Variants in RYR1 observed in about 807,000 individuals in gnomAD.
RYR1 encodes ryanodine receptor 1.
A neutral mutation model predicts 583.5 loss-of-function variants in RYR1; 342 were observed. The ratio of observed to expected loss-of-function variants is 0.59; its 90% CI spans 0.54 to 0.64. RYR1 has a LOEUF of 0.64. RYR1 is among the 30% of genes least tolerant of loss of function. The pLI is 0.00. For missense variants in RYR1, 6,032 were observed against 6,917.2 expected (o/e 0.87, Z 4.54); for synonymous variants, 2,791 against 2,822.5 (o/e 0.99, Z 0.35).
chr19:38,567,117 A>C, intron 92 of RYR1, 130 bp downstream of exon 92: 1 of 1,426,430 alleles, frequency 7.0e-7, no homozygotes, highest in Non-Finnish European at 9.5e-7. Flanking sequence ...GCCCAGACTC[A>C]GGCACGGAGG....
chr19:38,477,835 G>A lies in RYR1; in HGVS notation c.4419G>A (p.Val1473=), dbSNP rs2145503022. The part of the protein sequence containing the change: ...FDLSKVRVVT[V]TMGDEQGNVH... ...TCAGCAAGGTCCGGGTCGTGACGGT[G>A]ACCATGGGGGATGAACAAGGCAACG... Residue 1473 remains valine (V), a synonymous_variant, in exon 30 of 106, where the codon GTG becomes GTA. Transcript: ENST00000359596. 6.4e-7 allele frequency: 1 copy of A among 1,569,020 alleles called. No homozygotes were observed. The highest frequency in any genetic ancestry group is 8.7e-7 in the Non-Finnish European group (1 of 1,153,972).
At chr19:38,463,589 G>A (rs1386923873) in intron 21 of RYR1, 62 bp downstream of exon 21, 89 of 1,549,062 alleles carry the variant, frequency 5.7e-5, no homozygotes, top group South Asian at 5.4e-4. Flanking sequence ...GAGGGAGAGC[G>A]GCTCACCGGC....
In RYR1 at chr19:38,444,720, A is replaced by C; in HGVS notation, c.631+43A>C. 1.4e-6 allele frequency: 2 copies of C among 1,447,542 alleles called. No individual in the cohort carries two copies. The highest frequency in any genetic ancestry group is 1.9e-6 in the Non-Finnish European group (2 of 1,038,912). 89.7% of individuals were successfully genotyped at this position (1,447,542 alleles called of 1,614,324 possible). The stretch of plus-strand genomic sequence containing the variant: ...CCCCCTAAATGGAGATCCCCCCAAA[A>C]CAGACCCTTAATGTTGCCCTTCAGG... On this transcript the variant is annotated intron_variant, in intron 7 of 105. Transcript: ENST00000359596. The surrounding 1 kb of genome is among the most constrained non-coding windows in gnomAD (Gnocchi z 5.1).
intron 22 of RYR1, among the ~76,000 whole-genome samples, chr19:38,464,256 G>A (rs1163145318): frequency 4.4e-4 from 52 of 119,262 alleles, no homozygotes; most frequent in African/African-American, 1.3e-3. Flanking sequence ...CAGCCTGGGC[G>A]ACAGAGCGAG....
Position 38,565,135 on chromosome 19 carries a change from GGCGGAGGCGGGCGCGGAAGGC to G in RYR1, c.12809_12829del (p.Ala4270_Glu4276del), listed in dbSNP as rs1387871939. 7 of 1,525,926 alleles carry G rather than the reference GGCGGAGGCGGGCGCGGAAGGC, an allele frequency of 4.6e-6. No individual in the cohort carries two copies. Among genetic ancestry groups the G allele is most frequent in the Admixed American group, 4.0e-5 (2 of 50,486 alleles). 94.5% of individuals were successfully genotyped at this position (1,525,926 alleles called of 1,614,324 possible). Reference sequence around the variant, plus strand: ...CCGACGAGGACGAGGGCGCGGGCGCGGCGGAGGCGGGCGCGGAAGGCGCGGAGGAGGGCGCGGCGGGGCTCG... The same window carrying G: ...CCGACGAGGACGAGGGCGCGGGCGCGGCGGAGGAGGGCGCGGCGGGGCTCG... On this transcript the variant is annotated inframe_deletion, in exon 91 of 106. Coordinates refer to ENST00000359596, the MANE Select transcript of RYR1 (RefSeq NM_000540.3). This position sits in a 1 kb window ranked among gnomAD's most constrained non-coding sequence, Gnocchi z 4.7.
intron 81 of RYR1, 181 bp downstream of exon 81, chr19:38,535,573 T>C (rs989353924): frequency 4.5e-6 from 3 of 667,040 alleles, no homozygotes; most frequent in African/African-American, 3.6e-5. Flanking sequence ...GGAGGCAAAA[T>C]GTCATAGACT....
intron 89 of RYR1, among the ~76,000 whole-genome samples, chr19:38,552,394 CA>C (rs1972702476): frequency 6.6e-6 from 1 of 152,080 alleles, no homozygotes; most frequent in Admixed American, 6.6e-5. Flanking sequence ...AGCTGGACTA[CA>C]GGCATGCGCC....
At chr19:38,495,786 TGAGATG>T (rs1221154330) in intron 39 of RYR1, among the ~76,000 whole-genome samples, 1 of 152,090 alleles carries the variant, frequency 6.6e-6, no homozygotes, top group Non-Finnish European at 1.5e-5. Flanking sequence ...TTTTATTTTT[TGAGATG>T]GAGTCTTGCT....
intron 42 of RYR1, among the ~76,000 whole-genome samples, chr19:38,498,228 C>A (rs1388518025): frequency 1.3e-5 from 2 of 152,130 alleles, no homozygotes; most frequent in East Asian, 3.9e-4. Flanking sequence ...TCGGTCACAA[C>A]AAGGGCTCTG....
Position 38,502,981 on chromosome 19 carries a change from G to C in RYR1, c.7926+11G>C, listed in dbSNP as rs112124868. The C allele has an allele frequency of 1.3e-5, 21 of 1,606,228 alleles. No homozygotes were observed. Among genetic ancestry groups the C allele is most frequent in the Non-Finnish European group, 1.8e-5 (21 of 1,179,802 alleles). On this transcript the variant is annotated intron_variant, in intron 49 of 105. Transcript: ENST00000359596. Reference sequence around the variant, plus strand: ...AAGATGCCACTCAAGGTGAGGGCAAGCGCTCTTTAGCATCTCATTTCCAGG... The same window carrying C: ...AAGATGCCACTCAAGGTGAGGGCAACCGCTCTTTAGCATCTCATTTCCAGG...
In RYR1 at chr19:38,565,042, C is replaced by T. The variant is rs750829662; in HGVS notation, c.12708C>T (p.Phe4236=). ...AGAAGATGGAGCTCTTCGTGAGTTT[C>T]TGCGAGGACACCATCTTCGAGATGC... ...EAEKMELFVS[F]CEDTIFEMQI... is the part of the protein sequence containing the mutation. The change falls in exon 91 of 106, where the codon TTC becomes TTT. Residue 4236 remains phenylalanine, a synonymous_variant. Transcript: ENST00000359596. The surrounding 1 kb of genome is among the most constrained non-coding windows in gnomAD (Gnocchi z 4.7). 2 of 1,579,312 alleles carry T rather than the reference C, an allele frequency of 1.3e-6. No homozygotes were observed. The highest frequency in any genetic ancestry group is 1.7e-6 in the Non-Finnish European group (2 of 1,163,338).
chr19:38,463,547 C>T lies in RYR1; in HGVS notation c.2682+20C>T, dbSNP rs769711356. 2 of 1,607,258 alleles carry T rather than the reference C, an allele frequency of 1.2e-6. No homozygotes were observed. Among genetic ancestry groups the T allele is most frequent in the South Asian group, 2.2e-5 (2 of 90,942 alleles). On this transcript the variant is annotated intron_variant, in intron 21 of 105. Transcript: ENST00000359596. ...GGCCCGGTGAGGGGCTGCCTGCAGC[C>T]TGCGGGAGGCCGGCTAGACTTGCGG...
At position 38,584,990 on chromosome 19, in the gene RYR1, T is replaced by C; in HGVS notation, c.14694T>C (p.Ile4898=). 1 of 1,613,972 alleles carries C rather than the reference T, an allele frequency of 6.2e-7. No individual in the cohort carries two copies. Among genetic ancestry groups the C allele is most frequent in the Non-Finnish European group, 8.5e-7 (1 of 1,179,982 alleles). ...MYVGVRAGGG[I]GDEIEDPAGD... The stretch of plus-strand genomic sequence containing the variant: ...TGGGTGTCCGGGCTGGCGGAGGCAT[T>C]GGGGACGAGATCGAGGACCCCGCGG... Residue 4898 remains isoleucine, a synonymous_variant, in exon 102 of 106, where the codon ATT becomes ATC. Transcript: ENST00000359596.
intron 72 of RYR1, 153 bp from the exon 73 acceptor site, chr19:38,527,494 G>A: frequency 1.0e-6 from 1 of 987,704 alleles, no homozygotes; most frequent in Non-Finnish European, 1.5e-6. Context: ...TGGGTGATGG[G>A]GCGAGGCTCC....
At chr19:38,470,798 G>A (rs558553640) in intron 27 of RYR1, among the ~76,000 whole-genome samples, 10 of 152,328 alleles carry the variant, frequency 6.6e-5, no homozygotes, top group Admixed American at 2.6e-4. Flanking sequence ...TTAAGTATGG[G>A]AACGTCCAGT....
chr19:38,496,997 C>G lies in RYR1; in HGVS notation c.6891+43C>G, dbSNP rs755648108. 2.6e-6 allele frequency: 4 copies of G among 1,546,594 alleles called. No individual in the cohort carries two copies. Among genetic ancestry groups the G allele is most frequent in the Non-Finnish European group, 3.6e-6 (4 of 1,120,374 alleles). ...GGGCCCCAGGCCTAAGGGAGGAAAT[C>G]GGGCCGCTACCCGGCTGCTTGGGAC... On this transcript the variant is annotated intron_variant, in intron 42 of 105. Coordinates refer to ENST00000359596, the MANE Select transcript of RYR1 (RefSeq NM_000540.3). The surrounding 1 kb of genome is among the most constrained non-coding windows in gnomAD (Gnocchi z 4.8).
intron 20 of RYR1, among the ~76,000 whole-genome samples, chr19:38,461,437 CA>C (rs1256064217): frequency 1.3e-5 from 2 of 151,914 alleles, no homozygotes; most frequent in Non-Finnish European, 2.9e-5. Flanking sequence ...AGGGAGTCCT[CA>C]CCACTGCCCC....
Position 38,459,313 on chromosome 19 carries a change from G to C in RYR1, c.2335G>C (p.Val779Leu). The C allele has an allele frequency of 6.2e-7, 1 of 1,614,042 alleles. No homozygotes were observed. Among genetic ancestry groups the C allele is most frequent in the Non-Finnish European group, 8.5e-7 (1 of 1,180,010 alleles). ...CAACCTGGACGGGCTCTTCTTCCCT[G>C]TTGTCAGCTTCTCGGCTGGTGTCAA... ...SFNLDGLFFP[V>L]VSFSAGVKVR... Residue 779 changes from valine to leucine, a missense_variant, in exon 19 of 106, where the codon GTT becomes CTT. Physicochemically the swap from Val to Leu is conservative, Grantham distance 32 (BLOSUM62 1). Around this residue, in one of 11 missense-constraint regions of RYR1, gnomAD observed 2,627 missense variants for 2,961.3 expected, o/e 0.89. Transcript: ENST00000359596.
chr19:38,500,549 C>G lies in RYR1; in HGVS notation c.7324-57C>G. On this transcript the variant is annotated intron_variant, in intron 45 of 105. Transcript: ENST00000359596. This position sits in a 1 kb window ranked among gnomAD's most constrained non-coding sequence, Gnocchi z 5.9. ...GTGGTAAGGGAGGGAGCAGAGCAGT[C>G]ACTGAGTGGGGCACCAGCGCCTGAT... 2 of 1,610,168 alleles carry G rather than the reference C, an allele frequency of 1.2e-6. No individual in the cohort carries two copies. The highest frequency in any genetic ancestry group is 2.2e-5 in the South Asian group (2 of 90,880).
Sources: gnomAD v4.1 joint callset for allele counts (sites outside exome capture counted in the v4.1 genomes callset) on GRCh38, gnomAD v4.1.1 for gene constraint, gnomAD v4.1.1 regional missense constraint, Gnocchi (gnomAD v3.1) non-coding constraint, MANE v1.5 for transcripts, NCBI Gene and HGNC (gene_info 2026-07-23, HGNC 2026-07-21) for gene names.